GABRP: variants seen among roughly 807,000 people sequenced by gnomAD.
GABRP encodes gamma-aminobutyric acid type A receptor subunit pi.
A neutral mutation model predicts 47.8 loss-of-function variants in GABRP; 52 were observed. That is an observed-to-expected ratio of 1.09 (90% CI 0.87 to 1.37). The LOEUF is 1.37. Ranked by LOEUF, GABRP falls within the 40% of genes most tolerant of loss-of-function variation. The probability of loss-of-function intolerance (pLI) is 0.00; values close to 1 mark genes in which losing one functional copy is unlikely to be tolerated. For missense variants in GABRP, 525 were observed against 542.8 expected (o/e 0.97, Z 0.33); for synonymous variants, 221 against 205.8 (o/e 1.07, Z -0.63).
chr5:170,793,304 A>G (rs1244440888), intron 3 of GABRP, among the ~76,000 whole-genome samples: 1 of 152,346 alleles, frequency 6.6e-6, no homozygotes. Context: ...ATCTAGGTCC[A>G]TTATTCCACA....
intron 6 of GABRP, among the ~76,000 whole-genome samples, chr5:170,801,227 T>C (rs1211337088): frequency 6.6e-6 from 1 of 152,206 alleles, no homozygotes; most frequent in Non-Finnish European, 1.5e-5. Context: ...GCCCTTCCAC[T>C]GGGCTGGAGA....
At chr5:170,799,338 T>A (rs1215350276) in intron 6 of GABRP, among the ~76,000 whole-genome samples, 1 of 152,204 alleles carries the variant, frequency 6.6e-6, no homozygotes, top group African/African-American at 2.4e-5. Flanking sequence ...TAGTTCTAGA[T>A]CCCTGAGGAA....
Position 170,808,767 on chromosome 5 carries a change from CAGG to C in GABRP, c.832+18_832+20del. 1.9e-6 allele frequency: 3 copies of C among 1,610,950 alleles called. No homozygotes were observed. Among genetic ancestry groups the C allele is most frequent in the South Asian group, 2.2e-5 (2 of 90,734 alleles). ...AACCTGCATTGGTAAGCAGCTCCAA[CAGG>C]AGATTTCTAAGAACTGGCTTATCAG... is the stretch of plus-strand genomic sequence containing the variant. On this transcript the variant is annotated intron_variant, in intron 8 of 9. Coordinates refer to ENST00000265294, the MANE Select transcript of GABRP (RefSeq NM_014211.3).
At chr5:170,799,982 G>A (rs1447381124) in intron 6 of GABRP, among the ~76,000 whole-genome samples, 2 of 152,136 alleles carry the variant, frequency 1.3e-5, no homozygotes, top group East Asian at 1.9e-4. Flanking sequence ...ACAGAATTGG[G>A]AAAAACTACT....
At chr5:170,790,122 C>T (rs777583329) in intron 3 of GABRP, among the ~76,000 whole-genome samples, 7 of 152,154 alleles carry the variant, frequency 4.6e-5, no homozygotes, top group South Asian at 2.1e-4. Context: ...AAGCTCAGTG[C>T]GTGACATATA....
intron 3 of GABRP, among the ~76,000 whole-genome samples, chr5:170,791,312 G>T (rs1319356673): frequency 1.3e-5 from 2 of 152,190 alleles, no homozygotes; most frequent in African/African-American, 4.8e-5. Flanking sequence ...GTGCCTCTTG[G>T]CACTTCACTC....
intron 6 of GABRP, among the ~76,000 whole-genome samples, chr5:170,802,765 A>G (rs1376789334): frequency 1.4e-5 from 2 of 144,736 alleles, no homozygotes; most frequent in African/African-American, 5.1e-5. Context: ...TTCTCTGTTC[A>G]GCCTCTGTTT....
At chr5:170,808,942 G>GT (rs150989217) in intron 8 of GABRP, among the ~76,000 whole-genome samples, 190 bp downstream of exon 8, 3,846 of 147,244 alleles carry the variant, frequency 0.026, 115 homozygotes, top group African/African-American at 0.075. Context: ...TTTTGTTGTT[G>GT]TTTTTTTTTT....
chr5:170,784,951 G>T (rs1393416074), intron 1 of GABRP, among the ~76,000 whole-genome samples: 2 of 152,214 alleles, frequency 1.3e-5, no homozygotes, highest in East Asian at 1.9e-4. Context: ...AAGGCTAGGT[G>T]GTTCCAGTCA....
At position 170,788,634 on chromosome 5, in the gene GABRP, T is replaced by C. The variant is rs10036156; in HGVS notation, c.19T>C (p.Leu7=). Residue 7 remains leucine, a synonymous_variant, in exon 2 of 10, where the codon TTG becomes CTG. Transcript: ENST00000265294. ...TCTCAACATGAACTACAGCCTCCAC[T>C]TGGCCTTCGTGTGTCTGAGTCTCTT... MNYSLH[L]AFVCLSLFTE... 175,278 of 1,612,922 alleles carry C rather than the reference T, an allele frequency of 0.11. 17,091 individuals carry two copies. Among genetic ancestry groups the C allele is most frequent in the African/African-American group, 0.48 (36,064 of 74,840 alleles).
chr5:170,785,521 C>T (rs1051524532), intron 1 of GABRP, among the ~76,000 whole-genome samples: 1 of 152,298 alleles, frequency 6.6e-6, no homozygotes, highest in East Asian at 1.9e-4. Context: ...GCAACTTAAC[C>T]AAGCAAACAC....
intron 3 of GABRP, among the ~76,000 whole-genome samples, chr5:170,793,593 T>G (rs753771545): frequency 1.3e-5 from 2 of 152,174 alleles, no homozygotes; most frequent in African/African-American, 4.8e-5. Flanking sequence ...TGTGGTAAAT[T>G]TACTTAGCCA....
At chr5:170,803,886 C>T (rs1226626987) in intron 6 of GABRP, among the ~76,000 whole-genome samples, 2 of 152,088 alleles carry the variant, frequency 1.3e-5, no homozygotes, top group Non-Finnish European at 2.9e-5. Flanking sequence ...AAGTGATTCT[C>T]CTATCTCAGC....
chr5:170,793,430 G>T (rs1176383751), intron 3 of GABRP, among the ~76,000 whole-genome samples: 1 of 152,154 alleles, frequency 6.6e-6, no homozygotes, highest in Non-Finnish European at 1.5e-5. Flanking sequence ...TCTGTCTGCT[G>T]AGACTCCAGG....
intron 1 of GABRP, among the ~76,000 whole-genome samples, chr5:170,785,845 A>G (rs1457379647): frequency 6.6e-6 from 1 of 152,240 alleles, no homozygotes; most frequent in South Asian, 2.1e-4. Context: ...GCTGATAAGC[A>G]TGTGGGAGAG....
chr5:170,789,753 C>A (rs1023468157), intron 3 of GABRP, among the ~76,000 whole-genome samples: 9 of 152,142 alleles, frequency 5.9e-5, no homozygotes, highest in African/African-American at 2.2e-4. Context: ...TCTCATCCAC[C>A]CAAGTCCCCG....
chr5:170,802,376 A>T lies in GABRP; in HGVS notation c.542-3340A>T, dbSNP rs191832026. 7.9e-5 allele frequency among the ~76,000 whole-genome samples: 12 copies of T among 152,324 alleles called. No individual in the cohort carries two copies. The East Asian group carries it at 2.3e-3, about 29-fold the overall frequency. On this transcript the variant is annotated intron_variant, in intron 6 of 9. Transcript: ENST00000265294. The stretch of plus-strand genomic sequence containing the variant: ...CAGTGGGCACTCCTTACGTAAGGTC[A>T]CAAGTGGGCAACATCTGAGAAGCAC...
chr5:170,788,362 A>AT, intron 1 of GABRP: 11 of 397,782 alleles, frequency 2.8e-5, no homozygotes, highest in African/African-American at 2.4e-4. Context: ...AAAATAAAAA[A>AT]TTAAAAAAAA....
intron 9 of GABRP, among the ~76,000 whole-genome samples, chr5:170,810,940 G>C (rs917889071): frequency 1.3e-5 from 2 of 151,586 alleles, no homozygotes; most frequent in Non-Finnish European, 2.9e-5. Flanking sequence ...TCATCCCCCC[G>C]CCCAAGAATC....
Sources: gnomAD v4.1 joint callset for allele counts (sites outside exome capture counted in the v4.1 genomes callset) on GRCh38, gnomAD v4.1.1 for gene constraint, MANE v1.5 for transcripts, NCBI Gene and HGNC (gene_info 2026-07-23, HGNC 2026-07-21) for gene names.